CTNND2: variants seen among roughly 807,000 people sequenced by gnomAD.
CTNND2 encodes catenin delta-2.
In CTNND2, 22 loss-of-function variants were observed where a neutral mutation model predicts 144.4. The ratio of observed to expected loss-of-function variants is 0.15; its 90% CI spans 0.11 to 0.22. The LOEUF (loss-of-function observed/expected upper bound fraction) is 0.22. CTNND2 is among the 10% of genes least tolerant of loss of function. The pLI, the probability that CTNND2 is intolerant of heterozygous loss-of-function variation, is 1.00. For missense variants in CTNND2, 1,353 were observed against 1,618.8 expected, an observed-to-expected ratio of 0.84 and a Z score of 2.82; for synonymous variants, 751 against 695.6, an observed-to-expected ratio of 1.08 and a Z score of -1.25.
At chr5:11,179,528 C>T (rs1263324393) in intron 11 of CTNND2, among the ~76,000 whole-genome samples, 1 of 152,040 alleles carries the variant, frequency 6.6e-6, no homozygotes, top group Non-Finnish European at 1.5e-5. Flanking sequence ...ACTAAATATA[C>T]ATATTTATCT....
At chr5:11,202,548 T>C (rs1737569998) in intron 10 of CTNND2, among the ~76,000 whole-genome samples, 1 of 152,176 alleles carries the variant, frequency 6.6e-6, no homozygotes, top group African/African-American at 2.4e-5. Flanking sequence ...CCTACTTCTG[T>C]TTTCTGAAGC....
intron 14 of CTNND2, among the ~76,000 whole-genome samples, chr5:11,102,748 G>A (rs1715387705): frequency 6.6e-6 from 1 of 152,000 alleles, no homozygotes; most frequent in Admixed American, 6.6e-5. Context: ...GAAGGTTAAG[G>A]GACTGCTGAA....
intron 1 of CTNND2, among the ~76,000 whole-genome samples, chr5:11,828,547 T>C (rs556048874): frequency 4.1e-4 from 63 of 152,010 alleles, no homozygotes; most frequent in Admixed American, 1.4e-3. Flanking sequence ...AATAAATAAA[T>C]AGAAAAAGGG....
chr5:11,151,328 C>G (rs1757742003), intron 12 of CTNND2, among the ~76,000 whole-genome samples: 2 of 152,224 alleles, frequency 1.3e-5, no homozygotes, highest in Admixed American at 1.3e-4. Flanking sequence ...ATTTGGGAGG[C>G]AGCAGGAAGA....
chr5:11,769,096 TG>T (rs1425246855), intron 1 of CTNND2, among the ~76,000 whole-genome samples: 1 of 152,172 alleles, frequency 6.6e-6, no homozygotes, highest in Non-Finnish European at 1.5e-5. Flanking sequence ...TTGTTAAAAA[TG>T]GAGAATTCTA....
intron 3 of CTNND2, among the ~76,000 whole-genome samples, chr5:11,448,041 AG>A (rs1421629666): frequency 6.6e-6 from 1 of 152,182 alleles, no homozygotes; most frequent in African/African-American, 2.4e-5. Context: ...TGTTCTGCGA[AG>A]GGAGAGGGAG....
chr5:11,660,225 A>G (rs1783119805), intron 2 of CTNND2, among the ~76,000 whole-genome samples: 1 of 152,128 alleles, frequency 6.6e-6, no homozygotes, highest in Admixed American at 6.6e-5. Context: ...AGGCCATGAA[A>G]AAGGATGGGG....
intron 3 of CTNND2, among the ~76,000 whole-genome samples, chr5:11,425,636 T>C (rs1428383152): frequency 2.0e-5 from 3 of 152,224 alleles, no homozygotes; most frequent in Non-Finnish European, 4.4e-5. Flanking sequence ...TCTTAAGCTA[T>C]TTAGAGCATA....
chr5:11,057,053 C>T (rs1228711416), intron 16 of CTNND2, among the ~76,000 whole-genome samples: 1 of 152,156 alleles, frequency 6.6e-6, no homozygotes, highest in Non-Finnish European at 1.5e-5. Flanking sequence ...CTATCATTGT[C>T]CCTTGATCTG....
chr5:11,237,392 T>A, intron 9 of CTNND2, among the ~76,000 whole-genome samples: 1 of 152,334 alleles, frequency 6.6e-6, no homozygotes, highest in Middle Eastern at 3.4e-3. Flanking sequence ...CAGATCAATC[T>A]ATCAACTGAA....
chr5:11,221,744 A>G (rs886757446), intron 10 of CTNND2, among the ~76,000 whole-genome samples: 3 of 152,238 alleles, frequency 2.0e-5, no homozygotes, highest in African/African-American at 7.2e-5. Flanking sequence ...ACAGATAAAC[A>G]AGGTGTGTCT....
chr5:10,982,740 A>G (rs1737444727), intron 20 of CTNND2, among the ~76,000 whole-genome samples: 1 of 152,250 alleles, frequency 6.6e-6, no homozygotes, highest in Admixed American at 6.5e-5. Context: ...TAGATGTGGA[A>G]TCAACCCAAG....
intron 16 of CTNND2, among the ~76,000 whole-genome samples, chr5:11,054,473 A>C (rs182760513): frequency 6.6e-6 from 1 of 152,200 alleles, no homozygotes; most frequent in Non-Finnish European, 1.5e-5. Flanking sequence ...ACAAGGGAGC[A>C]GTAAGAAGCA....
chr5:10,991,085 G>A (rs1738623350), intron 19 of CTNND2, among the ~76,000 whole-genome samples: 1 of 152,252 alleles, frequency 6.6e-6, no homozygotes, highest in Admixed American at 6.5e-5. Context: ...CGTTTCCACA[G>A]GTACAGGGGG....
At chr5:11,565,125 T>C (rs769397616) in intron 2 of CTNND2, 69 bp from the exon 3 acceptor site, 20 of 1,014,406 alleles carry the variant, frequency 2.0e-5, no homozygotes, top group Non-Finnish European at 2.5e-5. Flanking sequence ...ACCAAAATAA[T>C]AGGACGGCTG....
chr5:11,036,300 C>T (rs1417657982), intron 16 of CTNND2, among the ~76,000 whole-genome samples: 8 of 152,170 alleles, frequency 5.3e-5, no homozygotes, highest in African/African-American at 1.9e-4. Context: ...TATTATCATT[C>T]TGAGCCAAGC....
intron 3 of CTNND2, among the ~76,000 whole-genome samples, chr5:11,455,525 A>C (rs889718303): frequency 1.3e-5 from 2 of 152,216 alleles, no homozygotes; most frequent in African/African-American, 4.8e-5. Flanking sequence ...CTTTATTTCC[A>C]AGTATACACC....
chr5:11,046,310 T>C (rs1012475446), intron 16 of CTNND2, among the ~76,000 whole-genome samples: 1 of 152,132 alleles, frequency 6.6e-6, no homozygotes, highest in Non-Finnish European at 1.5e-5. Flanking sequence ...GAAGCAGAGA[T>C]TGAGGCGATG....
chr5:11,424,833 G>A (rs529540231), intron 3 of CTNND2, among the ~76,000 whole-genome samples: 3 of 152,146 alleles, frequency 2.0e-5, no homozygotes, highest in Admixed American at 2.0e-4. Flanking sequence ...AAGAAGGAAG[G>A]AAGATGGAAT....
Sources: allele counts gnomAD v4.1 joint callset (sites outside exome capture counted in the v4.1 genomes callset), GRCh38; gene constraint gnomAD v4.1.1; transcripts MANE v1.5; gene names NCBI Gene and HGNC (gene_info 2026-07-23, HGNC 2026-07-21).